Variants in NOX4 observed in about 807,000 individuals in gnomAD.
The protein encoded by NOX4 is NADPH oxidase 4, also known as kidney oxidase-1.
NOX4 carries 69 observed loss-of-function variants against 87.6 expected under a neutral mutation model. That is an observed-to-expected ratio of 0.79 (90% CI 0.65 to 0.96). NOX4 has a LOEUF of 0.96. Among genes scored for constraint, NOX4 ranks in the 40% least tolerant of loss-of-function variants. NOX4 has a pLI of 0.00. For missense variants in NOX4, 680 were observed against 681.5 expected (o/e 1.00, Z 0.02); for synonymous variants, 275 against 238.2 (o/e 1.15, Z -1.42).
At chr11:89,582,109 T>C in the NOX4 span, among the ~76,000 whole-genome samples, 8 of 152,202 alleles carry the variant, frequency 5.3e-5, no homozygotes, top group Non-Finnish European at 1.2e-4. Context: ...TCATAAAAGT[T>C]GGGGTCATTC....
the NOX4 span, among the ~76,000 whole-genome samples, chr11:89,533,058 A>G: frequency 6.6e-6 from 1 of 152,192 alleles, no homozygotes; most frequent in Admixed American, 6.5e-5. Context: ...CAATGTGAAA[A>G]TGAACTAATA....
intron 5 of NOX4, 30 bp from the exon 6 acceptor site, chr11:89,440,745 A>G (rs1591262364): frequency 1.5e-6 from 2 of 1,333,124 alleles, no homozygotes; most frequent in East Asian, 2.4e-5. Context: ...ATAAATGATT[A>G]AAAACTAAAG....
chr11:89,439,566 A>C (rs574684747), intron 6 of NOX4, among the ~76,000 whole-genome samples: 1 of 152,284 alleles, frequency 6.6e-6, no homozygotes, highest in Non-Finnish European at 1.5e-5. Flanking sequence ...AATGTGCCTC[A>C]GTCCCATGTG....
intron 8 of NOX4, among the ~76,000 whole-genome samples, chr11:89,419,747 A>C (rs995243181): frequency 6.6e-6 from 1 of 151,976 alleles, no homozygotes; most frequent in African/African-American, 2.4e-5. Context: ...TTAAATATGC[A>C]TTCCTTTTAC....
chr11:89,393,972 T>A (rs1941298843), intron 11 of NOX4, among the ~76,000 whole-genome samples: 1 of 152,180 alleles, frequency 6.6e-6, no homozygotes, highest in African/African-American at 2.4e-5. Context: ...TTCACTTCTC[T>A]CCTCTTCCTT....
At chr11:89,577,206 C>T in the NOX4 span, 1 of 151,790 alleles carries the variant, frequency 6.6e-6, no homozygotes, top group Non-Finnish European at 1.5e-5. Flanking sequence ...AGAGAATTAC[C>T]CAAATATTTT....
chr11:89,441,804 C>T (rs756758166), intron 5 of NOX4, among the ~76,000 whole-genome samples: 11 of 151,790 alleles, frequency 7.2e-5, no homozygotes, highest in South Asian at 2.1e-4. Flanking sequence ...CAGATTTAGC[C>T]GGGCTATCAA....
intron 2 of NOX4, among the ~76,000 whole-genome samples, chr11:89,458,181 T>C (rs1945292078): frequency 6.6e-6 from 1 of 152,030 alleles, no homozygotes; most frequent in African/African-American, 2.4e-5. Context: ...ACAATAACAA[T>C]ATAAATGGTG....
At chr11:89,469,709 C>T (rs1284368548) in intron 2 of NOX4, among the ~76,000 whole-genome samples, 1 of 152,150 alleles carries the variant, frequency 6.6e-6, no homozygotes. Context: ...GTTGCAAATT[C>T]GGACACCTTG....
At chr11:89,386,143 C>T (rs756616241) in intron 11 of NOX4, among the ~76,000 whole-genome samples, 5 of 152,150 alleles carry the variant, frequency 3.3e-5, no homozygotes, top group Non-Finnish European at 7.3e-5. Flanking sequence ...TCTGGCCTGT[C>T]CTCAGGATGC....
intron 2 of NOX4, among the ~76,000 whole-genome samples, chr11:89,486,904 C>T (rs563262254): frequency 6.6e-5 from 10 of 151,952 alleles, no homozygotes; most frequent in Admixed American, 6.6e-4. Context: ...AAGAGGACTA[C>T]CCATGTCCTG....
the NOX4 span, among the ~76,000 whole-genome samples, chr11:89,579,519 A>G: frequency 6.6e-6 from 1 of 152,158 alleles, no homozygotes; most frequent in Non-Finnish European, 1.5e-5. Context: ...AATATACAAC[A>G]TAAAGAGTGA....
At chr11:89,503,633 CCA>C in the NOX4 span, among the ~76,000 whole-genome samples, 4 of 151,482 alleles carry the variant, frequency 2.6e-5, no homozygotes, top group Non-Finnish European at 5.9e-5. Context: ...TTCCTGACTT[CCA>C]CTGAACCCTG....
the NOX4 span, chr11:89,545,214 AT>A: frequency 6.6e-6 from 1 of 152,146 alleles, no homozygotes; most frequent in Non-Finnish European, 1.5e-5. Flanking sequence ...GATGCTAGGC[AT>A]TTAGTTCTGT....
rs143732786 is a variant in NOX4, at chr11:89,329,384, C to T, written c.1617-2508G>A. 3.9e-3 allele frequency among the ~76,000 whole-genome samples: 304 copies of T among 77,932 alleles called. 3 individuals are homozygous for T. The highest frequency in any genetic ancestry group is 0.013 in the Admixed American group (107 of 8,396). 51.1% of individuals were successfully genotyped at this position (77,932 alleles called of 152,430 possible). A position where few individuals can be genotyped will look rare whatever the true frequency, so the allele number is the denominator to read the frequency against. ...AAAAAAAAAAAAAAAAAGAACAGAGCATAAGTGGCCTGTGGGACAATACCA... is the reference window on the plus strand; with the variant it reads ...AAAAAAAAAAAAAAAAAGAACAGAGTATAAGTGGCCTGTGGGACAATACCA... On this transcript the variant is annotated intron_variant, in intron 17 of 17. Coordinates refer to ENST00000263317, the MANE Select transcript of NOX4 (RefSeq NM_016931.5).
In NOX4 at chr11:89,325,999, A is replaced by G. The variant is rs1945209895; in HGVS notation, c.*757T>C. 6.7e-6 allele frequency: 1 copy of G among 149,766 alleles called. No individual in the cohort carries two copies. The highest frequency in any genetic ancestry group is 1.5e-5 in the Non-Finnish European group (1 of 67,566). 9.3% of individuals were successfully genotyped at this position (149,766 alleles called of 1,614,324 possible). A position where few individuals can be genotyped will look rare whatever the true frequency, so the allele number is the denominator to read the frequency against. ...TATAATTTATAGTAGGAATATTTTC[A>G]TTACCATGCAATAGTGATAGATTTA... On this transcript the variant is annotated 3_prime_UTR_variant, in exon 18 of 18. Transcript: ENST00000263317.
the NOX4 span, among the ~76,000 whole-genome samples, chr11:89,543,625 G>A: frequency 6.6e-6 from 1 of 151,956 alleles, no homozygotes; most frequent in Non-Finnish European, 1.5e-5. Context: ...AGGGAGTCGA[G>A]GACGCTGTCT....
At chr11:89,570,382 C>T in the NOX4 span, among the ~76,000 whole-genome samples, 2 of 152,090 alleles carry the variant, frequency 1.3e-5, no homozygotes, top group African/African-American at 4.8e-5. Flanking sequence ...GTGTGAAAAA[C>T]CACCTCTCAG....
At chr11:89,543,392 G>T in the NOX4 span, among the ~76,000 whole-genome samples, 1 of 151,928 alleles carries the variant, frequency 6.6e-6, no homozygotes, top group African/African-American at 2.4e-5. Context: ...CATATTAATT[G>T]GTTCCTCAAT....
Sources: gnomAD v4.1 joint callset for allele counts (sites outside exome capture counted in the v4.1 genomes callset) on GRCh38, gnomAD v4.1.1 for gene constraint, MANE v1.5 for transcripts, NCBI Gene and HGNC (gene_info 2026-07-23, HGNC 2026-07-21) for gene names.